The following CD1B variants were observed in gnomAD, a reference collection of about 807,000 sequenced individuals.
CD1B encodes the protein CD1b molecule.
In CD1B, 43 loss-of-function variants were observed where a neutral mutation model predicts 39.8. The ratio of observed to expected loss-of-function variants is 1.08; its 90% CI spans 0.85 to 1.39. The LOEUF is 1.39. Ranked by LOEUF, CD1B falls within the 40% of genes most tolerant of loss-of-function variation. The pLI, the probability that CD1B is intolerant of heterozygous loss-of-function variation, is 0.00. For missense variants in CD1B, 495 were observed against 403.8 expected (o/e 1.23, Z -1.94); for synonymous variants, 192 against 152.5 (o/e 1.26, Z -1.91).
chr1:158,297,271 A>T, the CD1B span, among the ~76,000 whole-genome samples: 1 of 152,220 alleles, frequency 6.6e-6, no homozygotes, highest in South Asian at 2.1e-4. Context: ...GAAACCTTAG[A>T]AGCCAGAAGA....
downstream of CD1B, among the ~76,000 whole-genome samples, chr1:158,326,537 T>A (rs1652357433): frequency 6.6e-6 from 1 of 152,130 alleles, no homozygotes; most frequent in South Asian, 2.1e-4. Flanking sequence ...ATGAGACAAT[T>A]GGAAAAAATT....
At chr1:158,297,323 C>T in the CD1B span, among the ~76,000 whole-genome samples, 3 of 152,152 alleles carry the variant, frequency 2.0e-5, no homozygotes, top group Admixed American at 2.0e-4. Flanking sequence ...AAAAGAAATT[C>T]TGACCCAAAA....
At chr1:158,288,293 C>A in the CD1B span, among the ~76,000 whole-genome samples, 1 of 152,152 alleles carries the variant, frequency 6.6e-6, no homozygotes, top group East Asian at 1.9e-4. Context: ...TCACTATTAA[C>A]GTTGACAAAC....
chr1:158,293,447 C>T, the CD1B span: 3 of 1,613,906 alleles, frequency 1.9e-6, no homozygotes, highest in East Asian at 4.5e-5. Context: ...ATTCCTGTTC[C>T]TTCACAGCTC....
At chr1:158,290,935 G>A in the CD1B span, among the ~76,000 whole-genome samples, 17 of 152,030 alleles carry the variant, frequency 1.1e-4, no homozygotes, top group African/African-American at 3.6e-4. Context: ...TGCCATTTGA[G>A]CATACCTCTC....
chr1:158,319,664 G>A, the CD1B span, among the ~76,000 whole-genome samples: 5 of 152,188 alleles, frequency 3.3e-5, no homozygotes, highest in East Asian at 1.9e-4. Context: ...CTCTCAGCTC[G>A]TCAAAGTCGT....
chr1:158,325,439 C>CTAAA (rs560369115), downstream of CD1B, among the ~76,000 whole-genome samples: 793 of 152,098 alleles, frequency 5.2e-3, 3 homozygotes, highest in Non-Finnish European at 8.1e-3. Flanking sequence ...TGCCAAAATA[C>CTAAA]TAAATAAATA....
the CD1B span, among the ~76,000 whole-genome samples, chr1:158,312,510 A>G: frequency 2.0e-5 from 3 of 151,684 alleles, no homozygotes; most frequent in African/African-American, 2.4e-5. Context: ...CTTTCCAATA[A>G]TTTTTGTCCT....
chr1:158,310,444 G>C, the CD1B span, among the ~76,000 whole-genome samples: 15 of 152,060 alleles, frequency 9.9e-5, no homozygotes, highest in Non-Finnish European at 2.2e-4. Flanking sequence ...AAAAGAAACT[G>C]CAATGTAAAC....
chr1:158,312,524 C>A, the CD1B span, among the ~76,000 whole-genome samples: 2 of 152,076 alleles, frequency 1.3e-5, no homozygotes, highest in Admixed American at 6.6e-5. Flanking sequence ...TTGTCCTTTT[C>A]AATTTCTTTC....
chr1:158,317,459 T>C, the CD1B span, among the ~76,000 whole-genome samples: 1 of 151,952 alleles, frequency 6.6e-6, no homozygotes, highest in African/African-American at 2.4e-5. Context: ...TAGAGGTGTT[T>C]GTAGTATTCT....
chr1:158,293,698 C>G, the CD1B span: 1 of 1,075,078 alleles, frequency 9.3e-7, no homozygotes, highest in Non-Finnish European at 1.4e-6. Context: ...GATGTCATTT[C>G]CTCCAACGAT....
the CD1B span, among the ~76,000 whole-genome samples, chr1:158,296,220 G>A: frequency 3.3e-5 from 5 of 151,700 alleles, 1 homozygote; most frequent in South Asian, 4.2e-4. Context: ...TGGACTGGGA[G>A]CACCTTGGCC....
chr1:158,289,679 A>G, the CD1B span: 1 of 165,088 alleles, frequency 6.1e-6, no homozygotes, highest in Non-Finnish European at 1.3e-5. Context: ...TAAAACAAGC[A>G]GGAACTGAAA....
chr1:158,327,449 T>C (rs76519065), downstream of CD1B, among the ~76,000 whole-genome samples: 3,487 of 152,234 alleles, frequency 0.023, 145 homozygotes, highest in African/African-American at 0.08. Context: ...GTGGAAACTA[T>C]TTTAGCAAGA....
chr1:158,289,214 T>C, the CD1B span, among the ~76,000 whole-genome samples: 1 of 152,244 alleles, frequency 6.6e-6, no homozygotes, highest in Admixed American at 6.5e-5. Context: ...TGTTTAAACA[T>C]CTGCAGTTTA....
At chr1:158,325,637 T>TTA (rs1304328720), downstream of CD1B, among the ~76,000 whole-genome samples, 3 of 145,294 alleles carry the variant, frequency 2.1e-5, no homozygotes, top group Admixed American at 6.9e-5. Flanking sequence ...GACATACATT[T>TTA]TATACACACA....
At chr1:158,305,992 G>C in the CD1B span, among the ~76,000 whole-genome samples, 1 of 152,192 alleles carries the variant, frequency 6.6e-6, no homozygotes, top group South Asian at 2.1e-4. Context: ...AAATTGTAAA[G>C]ACTGTCGAGG....
chr1:158,317,272 G>A, the CD1B span, among the ~76,000 whole-genome samples: 2 of 152,022 alleles, frequency 1.3e-5, no homozygotes, highest in Non-Finnish European at 2.9e-5. Flanking sequence ...GTAGAATTCG[G>A]CTGTGAATCC....
Sources: allele counts gnomAD v4.1 joint callset (sites outside exome capture counted in the v4.1 genomes callset), GRCh38; gene constraint gnomAD v4.1.1; transcripts MANE v1.5; gene names NCBI Gene and HGNC (gene_info 2026-07-23, HGNC 2026-07-21).